WDR81: variants seen among roughly 807,000 people sequenced by gnomAD.
The protein encoded by WDR81 is WD repeat domain 81.
WDR81 carries 92 observed loss-of-function variants against 140.8 expected under a neutral mutation model. The observed-to-expected ratio is 0.65, with a 90% CI of 0.55 to 0.78. The LOEUF (loss-of-function observed/expected upper bound fraction) is 0.78, where lower values mean the gene tolerates loss of function less well. WDR81 is among the 30% of genes least tolerant of loss of function. WDR81 has a pLI of 0.00. For synonymous variants in WDR81, 1,183 were observed against 1,156.4 expected (o/e 1.02, Z -0.47); for missense variants, 2,502 against 2,636.4 (o/e 0.95, Z 1.12).
rs1915206116 is a variant in WDR81, at chr17:1,725,846, G to T, written c.887G>T (p.Cys296Phe). The change falls in exon 1 of 10, where the codon TGC becomes TTC. Residue 296 changes from cysteine to phenylalanine, a missense_variant. Physicochemically the swap from Cys to Phe is radical, Grantham distance 205. Around this residue, in one of 3 missense-constraint regions of WDR81, gnomAD observed 547 missense variants for 513.8 expected, o/e 1.06. Coordinates refer to ENST00000409644, the MANE Select transcript of WDR81 (RefSeq NM_001163809.2). ...CACATCGCAGTGGATGAGAAGCTTT[G>T]CAGCGAGCTGCGACTGGACCTGAGT... ...LYHIAVDEKL[C>F]SELRLDLSAY... is the part of the protein sequence containing the mutation. The T allele has an allele frequency of 2.6e-6, 4 of 1,550,584 alleles. No homozygotes were observed. Among genetic ancestry groups the T allele is most frequent in the Non-Finnish European group, 3.5e-6 (4 of 1,146,890 alleles).
In WDR81 at chr17:1,728,546, GC is replaced by G. The variant is rs1435593874; in HGVS notation, c.3588del (p.Gly1197AlafsTer57). 6.5e-7 allele frequency: 1 copy of G among 1,537,934 alleles called. No individual in the cohort carries two copies. Among genetic ancestry groups the G allele is most frequent in the Non-Finnish European group, 8.8e-7 (1 of 1,136,374 alleles). On this transcript the variant is annotated frameshift_variant, in exon 1 of 10. Coordinates refer to ENST00000409644, the MANE Select transcript of WDR81 (RefSeq NM_001163809.2). LOFTEE classifies it high-confidence loss of function. The part of the protein sequence containing the change: ...TVLSMETVVA[G>X]GSGGDGEEEE... The stretch of plus-strand genomic sequence containing the variant: ...CTGTCCATGGAGACGGTTGTGGCCG[GC>G]GGCAGTGGGGGAGATGGAGAAGAAG...
upstream of WDR81, among the ~76,000 whole-genome samples, chr17:1,721,543 C>T (rs573451946): frequency 1.3e-5 from 2 of 151,628 alleles, no homozygotes; most frequent in African/African-American, 2.4e-5. Flanking sequence ...AAAAATCACT[C>T]GGGCACCATG....
Position 1,725,848 on chromosome 17 carries a change from A to T in WDR81, c.889A>T (p.Ser297Cys). ...CATCGCAGTGGATGAGAAGCTTTGC[A>T]GCGAGCTGCGACTGGACCTGAGTGC... is the stretch of plus-strand genomic sequence containing the variant. ...YHIAVDEKLC[S>C]ELRLDLSAYE... Residue 297 changes from serine to cysteine, a missense_variant, in exon 1 of 10, where the codon AGC (serine) becomes TGC (cysteine). Physicochemically the swap from Ser to Cys is moderately radical, Grantham distance 112. Around this residue, in one of 3 missense-constraint regions of WDR81, gnomAD observed 547 missense variants for 513.8 expected, o/e 1.06. Transcript: ENST00000409644. The T allele has an allele frequency of 6.4e-7, 1 of 1,550,694 alleles. No homozygotes were observed. Among genetic ancestry groups the T allele is most frequent in the Non-Finnish European group, 8.7e-7 (1 of 1,146,874 alleles).
Position 1,725,967 on chromosome 17 carries a change from T to G in WDR81, c.1008T>G (p.Pro336=). The G allele has an allele frequency of 6.4e-7, 1 of 1,550,460 alleles. No homozygotes were observed. Among genetic ancestry groups the G allele is most frequent in the Non-Finnish European group, 8.7e-7 (1 of 1,146,836 alleles). Residue 336 remains proline (P), a synonymous_variant, in exon 1 of 10, where the codon CCT becomes CCG. Transcript: ENST00000409644. Reference sequence around the variant, plus strand: ...CTCAAGAGGAGCAGGGAGGGCAACCTGGGCAACCCACTGGCCAGGAGGAAC... The same window carrying G: ...CTCAAGAGGAGCAGGGAGGGCAACCGGGGCAACCCACTGGCCAGGAGGAAC... ...IVSQEEQGGQ[P]GQPTGQEELR...
Position 1,732,308 on chromosome 17 carries a change from A to T in WDR81, c.4158-17A>T, listed in dbSNP as rs754532668. 6.2e-7 allele frequency: 1 copy of T among 1,611,584 alleles called. No homozygotes were observed. Among genetic ancestry groups the T allele is most frequent in the Non-Finnish European group, 8.5e-7 (1 of 1,179,090 alleles). On this transcript the variant is annotated splice_polypyrimidine_tract_variant and intron_variant, in intron 4 of 9. Coordinates refer to ENST00000409644, the MANE Select transcript of WDR81 (RefSeq NM_001163809.2). ...CCTGCAGAACGGCGGGCTGGAGCTC[A>T]TGAGCTCTGTTTCCAGGTTCCCAAG...
intron 9 of WDR81, among the ~76,000 whole-genome samples, chr17:1,736,584 G>T (rs770338999): frequency 2.4e-4 from 37 of 152,312 alleles, no homozygotes; most frequent in Non-Finnish European, 4.3e-4. Context: ...GTTAAATAAA[G>T]CTGAGCTGGG....
chr17:1,721,152 T>C (rs1222862401), upstream of WDR81, among the ~76,000 whole-genome samples: 1 of 152,072 alleles, frequency 6.6e-6, no homozygotes, highest in Non-Finnish European at 1.5e-5. Context: ...TATATCAAAG[T>C]TGGGGCTGGG....
Position 1,725,665 on chromosome 17 carries a change from C to G in WDR81, c.706C>G (p.Pro236Ala). ...GCCGGAGATGCTGTATGTGGTACAC[C>G]CTTACGTACAGTTCTCCCTACATGA... Reference protein sequence around the residue: ...ESPEMLYVVHPYVQFSLHDVV... With the variant: ...ESPEMLYVVHAYVQFSLHDVV... Residue 236 changes from proline to alanine, a missense_variant, in exon 1 of 10, where the codon CCT becomes GCT. Pro to Ala is a conservative substitution (Grantham distance 27). This residue lies in a region of WDR81 where 547 missense variants were observed against 513.8 expected (regional missense o/e 1.06). Transcript: ENST00000409644. The G allele has an allele frequency of 1.3e-6, 2 of 1,547,530 alleles. No individual in the cohort carries two copies. The highest frequency in any genetic ancestry group is 1.7e-6 in the Non-Finnish European group (2 of 1,146,986).
chr17:1,730,315 G>T (rs1361931449), intron 1 of WDR81, 65 bp from the exon 2 acceptor site: 15 of 1,367,204 alleles, frequency 1.1e-5, no homozygotes, highest in Admixed American at 2.1e-5. Flanking sequence ...GTGCCGTGGG[G>T]TGGGGTGGGA....
chr17:1,725,179 G>GGACCCTGTCCCCGC lies in WDR81; in HGVS notation c.222_235dup (p.Ala79AspfsTer180). 1 of 1,536,230 alleles carries GGACCCTGTCCCCGC rather than the reference G, an allele frequency of 6.5e-7. No homozygotes were observed. The highest frequency in any genetic ancestry group is 1.4e-5 in the African/African-American group (1 of 73,136). ...CCTCCGCGATCGCCGGCTGCCCCTG[G>GGACCCTGTCCCCGC]GACCCTGTCCCCGCGCAGAGGGCCT... On this transcript the variant is annotated frameshift_variant, in exon 1 of 10. Transcript: ENST00000409644. LOFTEE classifies it high-confidence loss of function.
rs1185190982 is a variant in WDR81 at position 1,732,349 on chromosome 17, G to A, written c.4182G>A (p.Arg1394=). The A allele has an allele frequency of 6.2e-7, 1 of 1,613,258 alleles. No homozygotes were observed. Among genetic ancestry groups the A allele is most frequent in the African/African-American group, 1.3e-5 (1 of 74,948 alleles). Residue 1394 remains arginine (R), a synonymous_variant, in exon 5 of 10, where the codon CGG becomes CGA. Coordinates refer to ENST00000409644, the MANE Select transcript of WDR81 (RefSeq NM_001163809.2). ...VTGFPSGAQA[R]TILCVKTISL... ...GGTTCCCAAGTGGGGCCCAGGCTCG[G>A]ACCATCCTGTGTGTGAAAACCATCA...
intron 6 of WDR81, 61 bp from the exon 7 acceptor site, chr17:1,733,466 A>G: frequency 1.4e-6 from 2 of 1,473,642 alleles, no homozygotes; most frequent in Non-Finnish European, 1.8e-6. Context: ...GAGTCCTTGG[A>G]TGGGTGATAG....
chr17:1,735,606 C>G lies in WDR81; in HGVS notation c.5214C>G (p.Ser1738Arg), dbSNP rs1473334533. The change falls in exon 8 of 10, where the codon AGC (serine) becomes AGG (arginine). Residue 1738 changes from serine (S) to arginine (R), a missense_variant. By Grantham distance (110) the Ser-to-Arg change is moderately radical (BLOSUM62 -1). This residue lies in a region of WDR81 where 1,737 missense variants were observed against 1,843.0 expected (regional missense o/e 0.94). Transcript: ENST00000409644. This position sits in a 1 kb window ranked among gnomAD's most constrained non-coding sequence, Gnocchi z 4.2. ...KTLRTVEPLD[S>R]RVPLTAVAVM... ...TTCGCACAGTGGAGCCGCTGGACAG[C>G]CGGGTGCCCCTGACTGCGGTGGCTG... 2 of 1,612,490 alleles carry G rather than the reference C, an allele frequency of 1.2e-6. No individual in the cohort carries two copies. Among genetic ancestry groups the G allele is most frequent in the African/African-American group, 2.7e-5 (2 of 74,904 alleles).
In WDR81 at chr17:1,737,451, C is replaced by G. The variant is rs1231468246; in HGVS notation, c.5592C>G (p.His1864Gln). The part of the protein sequence containing the change: ...WKELEQKPTH[H>Q]YKSASDPIHT... ...AGCTGGAGCAGAAGCCCACCCATCA[C>G]TACAAGTCAGCATCCGACCCCATCC... Residue 1864 changes from histidine to glutamine, a missense_variant, in exon 10 of 10, where the codon CAC (histidine) becomes CAG (glutamine). Around this residue, in one of 3 missense-constraint regions of WDR81, gnomAD observed 1,737 missense variants for 1,843.0 expected, o/e 0.94. Coordinates refer to ENST00000409644, the MANE Select transcript of WDR81 (RefSeq NM_001163809.2). 2 of 1,612,996 alleles carry G rather than the reference C, an allele frequency of 1.2e-6. No homozygotes were observed. The highest frequency in any genetic ancestry group is 1.3e-5 in the African/African-American group (1 of 74,916).
rs1904786602 is a variant in WDR81 at position 1,735,516 on chromosome 17, C to T, written c.5180-56C>T. On this transcript the variant is annotated intron_variant, in intron 7 of 9. Coordinates refer to ENST00000409644, the MANE Select transcript of WDR81 (RefSeq NM_001163809.2). This position sits in a 1 kb window ranked among gnomAD's most constrained non-coding sequence, Gnocchi z 4.2. ...GGTGAGTTGGGGGATTAGAAGCTCCCAGGGCTCTTCCGTCAGCTGCTGGGA... is the reference window on the plus strand; with the variant it reads ...GGTGAGTTGGGGGATTAGAAGCTCCTAGGGCTCTTCCGTCAGCTGCTGGGA... 1.3e-6 allele frequency: 2 copies of T among 1,517,026 alleles called. No individual in the cohort carries two copies. Among genetic ancestry groups the T allele is most frequent in the Non-Finnish European group, 1.8e-6 (2 of 1,128,836 alleles). The allele number at this position is 1,517,026 out of a possible 1,614,324, so 94.0% of individuals were successfully genotyped here.
In WDR81 at chr17:1,728,490, G is replaced by A. The variant is rs373742890; in HGVS notation, c.3531G>A (p.Gly1177=). 2.2e-5 allele frequency: 35 copies of A among 1,599,776 alleles called. No homozygotes were observed. Among genetic ancestry groups the A allele is most frequent in the Non-Finnish European group, 2.9e-5 (34 of 1,172,520 alleles). ...EEEGEQEEVT[G]ASELTLSDTV... is the part of the protein sequence containing the mutation. ...AGGGGGAGCAGGAGGAGGTCACCGG[G>A]GCATCTGAGCTCACTCTGTCTGACA... Residue 1177 remains glycine (G), a synonymous_variant, in exon 1 of 10, where the codon GGG becomes GGA. Coordinates refer to ENST00000409644, the MANE Select transcript of WDR81 (RefSeq NM_001163809.2).
chr17:1,720,515 G>A (rs1914806359), upstream of WDR81, among the ~76,000 whole-genome samples: 1 of 152,276 alleles, frequency 6.6e-6, no homozygotes, highest in East Asian at 1.9e-4. Context: ...GGTGGCTCAC[G>A]CCTGTAATTC....
chr17:1,727,354 C>T lies in WDR81; in HGVS notation c.2395C>T (p.Arg799Cys), dbSNP rs556562354. Residue 799 changes from arginine to cysteine, a missense_variant, in exon 1 of 10, where the codon CGC becomes TGC. Arg to Cys is a radical substitution (Grantham distance 180). Coordinates refer to ENST00000409644, the MANE Select transcript of WDR81 (RefSeq NM_001163809.2). ...TLQPDAPLWV[R>C]FQAVRGLCTR... ...GCAGCCCGATGCACCTTTGTGGGTA[C>T]GCTTCCAGGCTGTCCGAGGGCTCTG... 3.6e-5 allele frequency: 56 copies of T among 1,550,044 alleles called. No homozygotes were observed. Among genetic ancestry groups the T allele is most frequent in the Middle Eastern group, 1.7e-4 (1 of 5,990 alleles).
At position 1,727,072 on chromosome 17, in the gene WDR81, A is replaced by G. The variant is rs776736989; in HGVS notation, c.2113A>G (p.Lys705Glu). ...AGCCTCCCGTCCAGGCCGCAGGAAT[A>G]AAGCTGCTGGGGCAGACCCTGGGGA... is the stretch of plus-strand genomic sequence containing the variant. ...ASASRPGRRN[K>E]AAGADPGEGE... is the part of the protein sequence containing the mutation. Residue 705 changes from lysine to glutamate, a missense_variant, in exon 1 of 10, where the codon AAA (lysine) becomes GAA (glutamate). By Grantham distance (56) the Lys-to-Glu change is moderately conservative. Around this residue, in one of 3 missense-constraint regions of WDR81, gnomAD observed 1,737 missense variants for 1,843.0 expected, o/e 0.94. Coordinates refer to ENST00000409644, the MANE Select transcript of WDR81 (RefSeq NM_001163809.2). 7 of 1,549,988 alleles carry G rather than the reference A, an allele frequency of 4.5e-6. No homozygotes were observed. Among genetic ancestry groups the G allele is most frequent in the Non-Finnish European group, 6.1e-6 (7 of 1,146,748 alleles).
Sources: gnomAD v4.1 joint callset for allele counts (sites outside exome capture counted in the v4.1 genomes callset) on GRCh38, gnomAD v4.1.1 for gene constraint, gnomAD v4.1.1 regional missense constraint, Gnocchi (gnomAD v3.1) non-coding constraint, MANE v1.5 for transcripts, NCBI Gene and HGNC (gene_info 2026-07-23, HGNC 2026-07-21) for gene names.